Variants in ANK3 observed in about 807,000 individuals in gnomAD.
ANK3 encodes the protein ankyrin 3.
A neutral mutation model predicts 370.9 loss-of-function variants in ANK3; 57 were observed. That is an observed-to-expected ratio of 0.15 (90% CI 0.12 to 0.19). ANK3 has a LOEUF of 0.19. Ranked by LOEUF, ANK3 falls within the 10% of genes least tolerant of loss-of-function variation. The probability of loss-of-function intolerance (pLI) is 1.00; values close to 1 mark genes in which losing one functional copy is unlikely to be tolerated. For missense variants in ANK3, 4,439 were observed against 5,302.1 expected (o/e 0.84, Z 5.06); for synonymous variants, 1,929 against 1,946.3 (o/e 0.99, Z 0.23).
intron 1 of ANK3, among the ~76,000 whole-genome samples, chr10:60,621,128 C>T (rs577224961): frequency 9.9e-5 from 15 of 152,248 alleles, no homozygotes; most frequent in African/African-American, 3.1e-4. Context: ...AAAAGCAATT[C>T]GGTCAAATAT....
chr10:60,042,896 C>A, intron 42 of ANK3, 137 bp from the exon 43 acceptor site: 1 of 1,493,626 alleles, frequency 6.7e-7, no homozygotes, highest in Non-Finnish European at 8.9e-7. Context: ...TCCAAAAATA[C>A]GTACAATCTT....
At chr10:60,281,621 G>A (rs1157131105) in intron 1 of ANK3, among the ~76,000 whole-genome samples, 3 of 152,188 alleles carry the variant, frequency 2.0e-5, no homozygotes, top group African/African-American at 4.8e-5. Context: ...CATATAGCAA[G>A]TGCCTGTAAG....
At chr10:60,196,798 C>T (rs2096594058) in intron 14 of ANK3, among the ~76,000 whole-genome samples, 173 bp from the exon 15 acceptor site, 1 of 152,060 alleles carries the variant, frequency 6.6e-6, no homozygotes, top group Admixed American at 6.6e-5. Context: ...ATTTAAAGTC[C>T]AAGACTCACA....
At chr10:60,614,543 G>C (rs1270956227) in intron 2 of ANK3, among the ~76,000 whole-genome samples, 2 of 152,134 alleles carry the variant, frequency 1.3e-5, no homozygotes, top group Non-Finnish European at 2.9e-5. Context: ...AAAGATGAAT[G>C]GTGATGACTC....
At chr10:60,562,183 A>G (rs2077350751) in intron 2 of ANK3, among the ~76,000 whole-genome samples, 2 of 152,220 alleles carry the variant, frequency 1.3e-5, no homozygotes, top group Non-Finnish European at 2.9e-5. Flanking sequence ...AACTTAAAAG[A>G]CTAGTGAGTT....
At chr10:60,547,384 C>A (rs2076989364) in intron 2 of ANK3, among the ~76,000 whole-genome samples, 1 of 151,920 alleles carries the variant, frequency 6.6e-6, no homozygotes, top group Admixed American at 6.6e-5. Context: ...AGCCATCGCT[C>A]CCGGTCCTTT....
At chr10:60,663,157 T>C (rs933282125) in intron 1 of ANK3, among the ~76,000 whole-genome samples, 3 of 152,218 alleles carry the variant, frequency 2.0e-5, no homozygotes, top group Admixed American at 6.5e-5. Context: ...CCCCATCAGA[T>C]TGCTGCCATT....
At chr10:60,645,479 C>T (rs527904568) in intron 1 of ANK3, among the ~76,000 whole-genome samples, 3 of 152,138 alleles carry the variant, frequency 2.0e-5, no homozygotes, top group Non-Finnish European at 4.4e-5. Flanking sequence ...AATCCCAGGA[C>T]TTTGGGAGGC....
chr10:60,452,751 G>A (rs1444158906), intron 2 of ANK3, among the ~76,000 whole-genome samples: 1 of 152,168 alleles, frequency 6.6e-6, no homozygotes, highest in Non-Finnish European at 1.5e-5. Flanking sequence ...AGGTTTTCCT[G>A]CAGATTTGGG....
intron 1 of ANK3, among the ~76,000 whole-genome samples, chr10:60,688,725 G>A (rs1345506221): frequency 6.6e-6 from 1 of 152,128 alleles, no homozygotes; most frequent in Non-Finnish European, 1.5e-5. Context: ...GAGGCGGGCG[G>A]ATCACGAGGT....
upstream of ANK3, among the ~76,000 whole-genome samples, chr10:60,390,729 AACACAC>A (rs572520321): frequency 5.0e-4 from 54 of 107,074 alleles, no homozygotes; most frequent in African/African-American, 7.7e-4. Flanking sequence ...TAAAAAAAAG[AACACAC>A]ACACACACAC....
chr10:60,451,408 C>T (rs977291745), intron 2 of ANK3, among the ~76,000 whole-genome samples: 4 of 152,164 alleles, frequency 2.6e-5, no homozygotes, highest in Admixed American at 1.3e-4. Context: ...AAACCATTGG[C>T]CTAGAATTTG....
intron 2 of ANK3, among the ~76,000 whole-genome samples, chr10:60,497,821 T>C (rs974925123): frequency 6.6e-6 from 1 of 152,152 alleles, no homozygotes; most frequent in African/African-American, 2.4e-5. Context: ...AACACAGAGA[T>C]ATAGATGCAC....
At chr10:60,332,551 G>A (rs543354201) in intron 1 of ANK3, among the ~76,000 whole-genome samples, 91 of 152,214 alleles carry the variant, frequency 6.0e-4, no homozygotes, top group African/African-American at 2.2e-3. Context: ...CCAGTGAGAG[G>A]GACACATGGA....
intron 7 of ANK3, among the ~76,000 whole-genome samples, chr10:60,251,044 T>G (rs1228043858): frequency 6.6e-6 from 1 of 152,234 alleles, no homozygotes; most frequent in East Asian, 1.9e-4. Context: ...TGTGGCTTTG[T>G]ACAAGTTATG....
rs1049182694 is a variant in ANK3, at chr10:60,498,532, G to C, written c.96+116654C>G. Among the ~76,000 whole-genome samples the C allele has an allele frequency of 2.6e-5, 4 of 152,228 alleles. No homozygotes were observed. The East Asian group carries it at 7.7e-4, about 29-fold the overall frequency. On this transcript the variant is annotated intron_variant, in intron 2 of 43. Coordinates refer to the ANK3 transcript ENST00000373827. ...GCTTCCTGAGTAGCTGGCACCACAA[G>C]TGTGCATCACCATACCTGGCTAATT...
chr10:60,196,314 T>C, intron 15 of ANK3, 71 bp from the exon 16 acceptor site: 1 of 1,362,866 alleles, frequency 7.3e-7, no homozygotes. Flanking sequence ...ATTGAGGAAA[T>C]GAAATTAGAT....
intron 2 of ANK3, among the ~76,000 whole-genome samples, chr10:60,520,212 G>C (rs749024208): frequency 6.6e-6 from 1 of 152,054 alleles, no homozygotes; most frequent in Admixed American, 6.6e-5. Flanking sequence ...GTTCTCATAA[G>C]TGCGAGCTAA....
Position 60,173,076 on chromosome 10 carries a change from G to C in ANK3, c.2283+12C>G, listed in dbSNP as rs1469714953. The stretch of plus-strand genomic sequence containing the variant: ...AATGATTCTGGCAGAAACAAAAAAG[G>C]AAGGAGCTTACCTTTGTTTTGGCAT... On this transcript the variant is annotated intron_variant, in intron 19 of 43. Transcript: ENST00000280772. The C allele has an allele frequency of 3.7e-6, 6 of 1,611,780 alleles. No homozygotes were observed. In the East Asian group the frequency reaches 1.3e-4, roughly 36 times the overall value.
Sources: allele counts gnomAD v4.1 joint callset (sites outside exome capture counted in the v4.1 genomes callset), GRCh38; gene constraint gnomAD v4.1.1; transcripts MANE v1.5; gene names NCBI Gene and HGNC (gene_info 2026-07-23, HGNC 2026-07-21).